The following NECTIN2 variants were observed in gnomAD, a reference collection of about 807,000 sequenced individuals.
NECTIN2 encodes nectin cell adhesion molecule 2.
In NECTIN2, 23 loss-of-function variants were observed where a neutral mutation model predicts 56.9. That is an observed-to-expected ratio of 0.40 (90% confidence interval 0.29 to 0.57). NECTIN2 has a LOEUF of 0.57. Ranked by LOEUF, NECTIN2 falls within the 20% of genes least tolerant of loss-of-function variation. The pLI, the probability that NECTIN2 is intolerant of heterozygous loss-of-function variation, is 0.38. For missense variants in NECTIN2, 587 were observed against 718.3 expected (o/e 0.82, Z 2.09); for synonymous variants, 302 against 313.8 (o/e 0.96, Z 0.40).
At chr19:44,887,899 ATTAACAGGG>A (rs1423225664) in intron 8 of NECTIN2, among the ~76,000 whole-genome samples, 2 of 152,126 alleles carry the variant, frequency 1.3e-5, no homozygotes, top group African/African-American at 4.8e-5. Context: ...GAGTCCCAGG[ATTAACAGGG>A]TGAGTTGCAC....
chr19:44,888,269 G>A lies in NECTIN2; in HGVS notation c.1507G>A (p.Glu503Lys), dbSNP rs762131356. Residue 503 changes from glutamate to lysine, a missense_variant, in exon 9 of 9, where the codon GAA (glutamate) becomes AAA (lysine). Glu to Lys is a moderately conservative substitution (Grantham distance 56). Coordinates refer to ENST00000252483, the MANE Select transcript of NECTIN2 (RefSeq NM_001042724.2). ...DLEDEEGEEEEEYLDKINPIY... is the reference protein window; with the variant it reads ...DLEDEEGEEEKEYLDKINPIY... The stretch of plus-strand genomic sequence containing the variant: ...AGAGGATGAGGAGGGGGAGGAGGAG[G>A]AAGAGTATCTGGACAAGATCAACCC... 1.7e-4 allele frequency: 269 copies of A among 1,613,932 alleles called. No homozygotes were observed. The highest frequency in any genetic ancestry group is 3.3e-4 in the Middle Eastern group (2 of 6,080).
At chr19:44,855,888 T>C (rs1360969274) in intron 1 of NECTIN2, among the ~76,000 whole-genome samples, 3 of 152,168 alleles carry the variant, frequency 2.0e-5, no homozygotes, top group Admixed American at 6.5e-5. Flanking sequence ...GTTTGTTGAG[T>C]AACTATTTGT....
At position 44,872,265 on chromosome 19, in the gene NECTIN2, T is replaced by C. The variant is rs73936965; in HGVS notation, c.775+116T>C. The C allele has an allele frequency of 5.6e-3, 5,987 of 1,069,228 alleles. 191 individuals are homozygous for C. The African/African-American group carries it at 0.068, about 12-fold the overall frequency. The allele number at this position is 1,069,228 out of a possible 1,614,324, so 66.2% of individuals were successfully genotyped here. A position where few individuals can be genotyped will look rare whatever the true frequency, so the allele number is the denominator to read the frequency against. On this transcript the variant is annotated intron_variant, in intron 3 of 8. Transcript: ENST00000252483. ...ACGTGGGTTCCCTGAAGCCAAATTCTGCACTACCTTCCTGCCATTGTCTAC... is the reference window on the plus strand; with the variant it reads ...ACGTGGGTTCCCTGAAGCCAAATTCCGCACTACCTTCCTGCCATTGTCTAC...
At position 44,888,389 on chromosome 19, in the gene NECTIN2, C is replaced by T. The variant is rs372985724; in HGVS notation, c.*10C>T. 28 of 1,604,472 alleles carry T rather than the reference C, an allele frequency of 1.7e-5. No individual in the cohort carries two copies. Among genetic ancestry groups the T allele is most frequent in the Non-Finnish European group, 2.1e-5 (25 of 1,172,488 alleles). On this transcript the variant is annotated 3_prime_UTR_variant, in exon 9 of 9. Coordinates refer to ENST00000252483, the MANE Select transcript of NECTIN2 (RefSeq NM_001042724.2). ...GGCCATGTATGTGTGAGCTGCCATGCGCCTGGCGTCTCACATCTCACCTGT... is the reference window on the plus strand; with the variant it reads ...GGCCATGTATGTGTGAGCTGCCATGTGCCTGGCGTCTCACATCTCACCTGT...
chr19:44,857,899 G>A (rs1305229346), intron 1 of NECTIN2, among the ~76,000 whole-genome samples: 1 of 152,120 alleles, frequency 6.6e-6, no homozygotes, highest in Non-Finnish European at 1.5e-5. Flanking sequence ...TTGTTACCAA[G>A]AATTTACATT....
intron 5 of NECTIN2, among the ~76,000 whole-genome samples, chr19:44,879,975 G>A (rs1035193289): frequency 2.6e-5 from 4 of 151,428 alleles, no homozygotes; most frequent in African/African-American, 9.7e-5. Context: ...TGTGTGGACC[G>A]AGGGGCAGTC....
intron 2 of NECTIN2, 56 bp from the exon 3 acceptor site, chr19:44,871,797 G>A: frequency 1.3e-6 from 2 of 1,565,610 alleles, no homozygotes; most frequent in African/African-American, 2.7e-5. Context: ...TCTGCTGAGT[G>A]TTTGTTGAAT....
chr19:44,875,408 T>A lies in NECTIN2; in HGVS notation c.1042+930T>A, dbSNP rs772658041. On this transcript the variant is annotated intron_variant, in intron 5 of 8. Transcript: ENST00000252483. The surrounding 1 kb of genome is among the most constrained non-coding windows in gnomAD (Gnocchi z 4.2). ...AGCCTCCTGAGTAGCTGGGACTATATGCGCTCACCACCAAACCCGGCTAAG... is the reference window on the plus strand; with the variant it reads ...AGCCTCCTGAGTAGCTGGGACTATAAGCGCTCACCACCAAACCCGGCTAAG... 1.2e-4 allele frequency among the ~76,000 whole-genome samples: 18 copies of A among 152,034 alleles called. No individual in the cohort carries two copies. Among genetic ancestry groups the A allele is most frequent in the Non-Finnish European group, 2.5e-4 (17 of 68,004 alleles).
At chr19:44,886,982 C>T (rs1235529858) in intron 8 of NECTIN2, among the ~76,000 whole-genome samples, 2 of 151,228 alleles carry the variant, frequency 1.3e-5, no homozygotes, top group African/African-American at 4.9e-5. Flanking sequence ...TGCCACTACA[C>T]TCCAGCCTGG....
In NECTIN2 at chr19:44,853,287, C is replaced by T. The variant is rs573424935; in HGVS notation, c.88+6674C>T. Among the ~76,000 whole-genome samples, 5 of 151,104 alleles carry T rather than the reference C, an allele frequency of 3.3e-5. No individual in the cohort carries two copies. In the South Asian group the frequency reaches 8.4e-4, roughly 25 times the overall value. ...TCTCAGCTCACTGCAAGCTCTGCCT[C>T]CCAGATTCACGCCATTCTCCTGCCT... On this transcript the variant is annotated intron_variant, in intron 1 of 8. Transcript: ENST00000252483.
At chr19:44,878,507 G>T in intron 5 of NECTIN2, 3 of 1,614,090 alleles carry the variant, frequency 1.9e-6, no homozygotes, top group Non-Finnish European at 2.5e-6. Flanking sequence ...GGAGGAGGAG[G>T]AGGAAGAGAA....
chr19:44,853,787 A>G lies in NECTIN2; in HGVS notation c.88+7174A>G, dbSNP rs138907756. Among the ~76,000 whole-genome samples, 54 of 152,224 alleles carry G rather than the reference A, an allele frequency of 3.5e-4. No homozygotes were observed. The East Asian group carries it at 0.01, about 28-fold the overall frequency. On this transcript the variant is annotated intron_variant, in intron 1 of 8. Coordinates refer to ENST00000252483, the MANE Select transcript of NECTIN2 (RefSeq NM_001042724.2). ...CAGGCGTGAGCCATTGCGCCCAGGG[A>G]TTTTAGAACCTCATTCATTCGTTAT...
At chr19:44,849,265 C>T (rs968358736) in intron 1 of NECTIN2, among the ~76,000 whole-genome samples, 3 of 150,156 alleles carry the variant, frequency 2.0e-5, no homozygotes, top group African/African-American at 4.9e-5. Context: ...TGGAATGGGA[C>T]GGAGGAGGGT....
At chr19:44,854,961 T>TA (rs956878241) in intron 1 of NECTIN2, among the ~76,000 whole-genome samples, 4 of 148,836 alleles carry the variant, frequency 2.7e-5, no homozygotes, top group African/African-American at 1.0e-4. Flanking sequence ...CCATCTCTAC[T>TA]AAAAAAATTA....
rs1294349341 is a variant in NECTIN2 at position 44,856,579 on chromosome 19, C to T, written c.89-8692C>T. On this transcript the variant is annotated intron_variant, in intron 1 of 8. Coordinates refer to ENST00000252483, the MANE Select transcript of NECTIN2 (RefSeq NM_001042724.2). The stretch of plus-strand genomic sequence containing the variant: ...GTTCACACAGGCCCAAATGGCTTTC[C>T]TTGACCCTCATTGAGTGGCCTTCCC... 3.9e-5 allele frequency among the ~76,000 whole-genome samples: 6 copies of T among 152,150 alleles called. 1 individual carries two copies. Among genetic ancestry groups the T allele is most frequent in the African/African-American group, 1.4e-4 (6 of 41,440 alleles).
Position 44,882,125 on chromosome 19 carries a change from C to T in NECTIN2, c.1043-86C>T, listed in dbSNP as rs1200992843. On this transcript the variant is annotated intron_variant, in intron 5 of 8. Coordinates refer to ENST00000252483, the MANE Select transcript of NECTIN2 (RefSeq NM_001042724.2). The stretch of plus-strand genomic sequence containing the variant: ...ATGGGAGAGGACATAGACAGGCAGG[C>T]GATGATGTGGGGTGGGATGGTCGCT... The T allele has an allele frequency of 7.4e-6, 9 of 1,211,114 alleles. No homozygotes were observed. The Admixed American group carries it at 1.1e-4, about 14-fold the overall frequency. The allele number at this position is 1,211,114 out of a possible 1,614,324, so 75.0% of individuals were successfully genotyped here.
chr19:44,866,552 G>A (rs1000828196), intron 2 of NECTIN2, among the ~76,000 whole-genome samples: 7 of 152,030 alleles, frequency 4.6e-5, no homozygotes, highest in African/African-American at 1.7e-4. Context: ...AGGGAAGAGC[G>A]TTCCAGGCAG....
At chr19:44,876,436 T>C (rs1969238144) in intron 5 of NECTIN2, among the ~76,000 whole-genome samples, 1 of 152,098 alleles carries the variant, frequency 6.6e-6, no homozygotes, top group African/African-American at 2.4e-5. Flanking sequence ...CCCACGACAG[T>C]GGCCACAGGG....
rs1419509852 is a variant in NECTIN2 at position 44,865,411 on chromosome 19, G to T, written c.229G>T (p.Ala77Ser). The T allele has an allele frequency of 6.2e-7, 1 of 1,614,186 alleles. No individual in the cohort carries two copies. Among genetic ancestry groups the T allele is most frequent in the East Asian group, 2.2e-5 (1 of 44,880 alleles). ...GACCTGGCAGCGCCCAGATGCACCT[G>T]CGAACCACCAGAATGTGGCCGCCTT... is the stretch of plus-strand genomic sequence containing the variant. ...LVTWQRPDAP[A>S]NHQNVAAFHP... The change falls in exon 2 of 9, where the codon GCG (alanine) becomes TCG (serine). Residue 77 changes from alanine (A) to serine (S), a missense_variant. Physicochemically the swap from Ala to Ser is moderately conservative, Grantham distance 99. Transcript: ENST00000252483. The surrounding 1 kb of genome is among the most constrained non-coding windows in gnomAD (Gnocchi z 5.2).
Sources: allele counts gnomAD v4.1 joint callset (sites outside exome capture counted in the v4.1 genomes callset), GRCh38; gene constraint gnomAD v4.1.1; non-coding constraint Gnocchi (gnomAD v3.1); transcripts MANE v1.5; gene names NCBI Gene and HGNC (gene_info 2026-07-23, HGNC 2026-07-21).